Variants in RNF126 observed in about 807,000 individuals in gnomAD.
RNF126 encodes E3 ubiquitin-protein ligase RNF126.
Under a neutral mutation model 41.9 loss-of-function variants are expected in RNF126, and 20 were observed. The ratio of observed to expected loss-of-function variants is 0.48; its 90% CI spans 0.34 to 0.69. The LOEUF is 0.69. Ranked by LOEUF, RNF126 falls within the 30% of genes least tolerant of loss-of-function variation. RNF126 has a pLI of 0.01. For missense variants in RNF126, 433 were observed against 460.6 expected (o/e 0.94, Z 0.55); for synonymous variants, 239 against 202.9 (o/e 1.18, Z -1.51).
chr19:660,874 G>T (rs1225069156), intron 1 of RNF126, among the ~76,000 whole-genome samples: 2 of 152,218 alleles, frequency 1.3e-5, no homozygotes, highest in East Asian at 3.9e-4. Context: ...CTGTCTACGG[G>T]CGCCTTGTTG....
chr19:651,654 G>C lies in RNF126; in HGVS notation c.400C>G (p.Arg134Gly). The change falls in exon 4 of 9, where the codon CGG (arginine) becomes GGG (glycine). Residue 134 changes from arginine (R) to glycine (G), a missense_variant. Around this residue, in one of 5 missense-constraint regions of RNF126, gnomAD observed 247 missense variants for 224.7 expected, o/e 1.10. Coordinates refer to ENST00000292363, the MANE Select transcript of RNF126 (RefSeq NM_194460.3). ...CCTTCGTGCCGGCCGGTGGCCCGCC[G>C]CGTGGTGAGGCGGGCGCGGGGCTGT... ...ARQPRARLTT[R>G]RATGRHEGVP... 6.5e-7 allele frequency: 1 copy of C among 1,528,568 alleles called. No individual in the cohort carries two copies. Among genetic ancestry groups the C allele is most frequent in the Non-Finnish European group, 8.8e-7 (1 of 1,137,894 alleles). The allele number at this position is 1,528,568 out of a possible 1,614,324, so 94.7% of individuals were successfully genotyped here. A position where few individuals can be genotyped will look rare whatever the true frequency, so the allele number is the denominator to read the frequency against.
chr19:650,296 C>A lies in RNF126; in HGVS notation c.444G>T (p.Gly148=), dbSNP rs768588820. The stretch of plus-strand genomic sequence containing the variant: ...TGCCGTTGACGAGCTGCTGGATGAT[C>A]CTGGAAAAGAGAGCGCCAGTCACGG... ...GRHEGVPTLE[G]IIQQLVNGII... is the part of the protein sequence containing the mutation. Residue 148 remains glycine (G), a splice_region_variant and synonymous_variant, in exon 5 of 9, where the codon GGG becomes GGT. Transcript: ENST00000292363. 1 of 1,578,652 alleles carries A rather than the reference C, an allele frequency of 6.3e-7. No individual in the cohort carries two copies. Among genetic ancestry groups the A allele is most frequent in the South Asian group, 1.2e-5 (1 of 85,850 alleles).
chr19:658,983 G>A (rs3787005), intron 1 of RNF126, among the ~76,000 whole-genome samples: 22,977 of 152,182 alleles, frequency 0.15, 2,053 homozygotes, highest in South Asian at 0.36. Flanking sequence ...GGCCAGAGAG[G>A]GCAGCCGACA....
At chr19:649,960 G>T (rs539821222) in intron 5 of RNF126, among the ~76,000 whole-genome samples, 2 of 147,928 alleles carry the variant, frequency 1.4e-5, no homozygotes, top group South Asian at 4.3e-4. Context: ...CTACTCACCA[G>T]GGACCCTGGC....
rs143387909 is a variant in RNF126 at position 659,758 on chromosome 19, G to A, written c.75+3289C>T. 3.4e-3 allele frequency among the ~76,000 whole-genome samples: 516 copies of A among 149,654 alleles called. 4 individuals are homozygous for A. Among genetic ancestry groups the A allele is most frequent in the South Asian group, 8.5e-3 (40 of 4,724 alleles). On this transcript the variant is annotated intron_variant, in intron 1 of 8. Transcript: ENST00000292363. This position sits in a 1 kb window ranked among gnomAD's most constrained non-coding sequence, Gnocchi z 4.9. ...GCTGCTCAGACACCCAGACACCCTC[G>A]TCATCGCCTTTTTTTTTTTTTTTTG...
rs1393633175 is a variant in RNF126, at chr19:659,874, C to T, written c.75+3173G>A. 2.0e-5 allele frequency among the ~76,000 whole-genome samples: 3 copies of T among 152,080 alleles called. No homozygotes were observed. Among genetic ancestry groups the T allele is most frequent in the Non-Finnish European group, 4.4e-5 (3 of 68,006 alleles). On this transcript the variant is annotated intron_variant, in intron 1 of 8. Transcript: ENST00000292363. This position sits in a 1 kb window ranked among gnomAD's most constrained non-coding sequence, Gnocchi z 4.9. ...CGCCTTCCAGGTTCAAGCAATTCTCCCGCCTCAGCCTCCTAAGTCACTGGG... is the reference window on the plus strand; with the variant it reads ...CGCCTTCCAGGTTCAAGCAATTCTCTCGCCTCAGCCTCCTAAGTCACTGGG...
Position 649,226 on chromosome 19 carries a change from G to A in RNF126, c.577-251C>T, listed in dbSNP as rs866821259. On this transcript the variant is annotated intron_variant, in intron 6 of 8. Transcript: ENST00000292363. ...TGGGTCCCTGACAGCGGAATGGGGG[G>A]GGGGGCCGCGCTCCTGAGTGCCCTG... 3.5e-5 allele frequency: 9 copies of A among 258,096 alleles called. 1 individual carries two copies. In the Middle Eastern group the frequency reaches 8.7e-3, roughly 249 times the overall value. 16.0% of individuals were successfully genotyped at this position (258,096 alleles called of 1,614,324 possible).
In RNF126 at chr19:657,156, C is replaced by A. The variant is rs368110127; in HGVS notation, c.76-4272G>T. On this transcript the variant is annotated intron_variant, in intron 1 of 8. Transcript: ENST00000292363. ...ACAAGGTCAGGCAGCCCCAGAAGGG[C>A]CTGAGGGAGAAGCTGTCTCCCTCTG... 5.9e-5 allele frequency among the ~76,000 whole-genome samples: 9 copies of A among 152,208 alleles called. No homozygotes were observed. In the East Asian group the frequency reaches 7.7e-4, roughly 13 times the overall value.
In RNF126 at chr19:659,726, T is replaced by C. The variant is rs1393279367; in HGVS notation, c.75+3321A>G. ...CCACACGCCCCACTCTGGCTGACGC[T>C]CCCTTTGCTGCTCAGACACCCAGAC... On this transcript the variant is annotated intron_variant, in intron 1 of 8. Transcript: ENST00000292363. The surrounding 1 kb of genome is among the most constrained non-coding windows in gnomAD (Gnocchi z 4.9). 6.6e-6 allele frequency among the ~76,000 whole-genome samples: 1 copy of C among 150,734 alleles called. No homozygotes were observed. Among genetic ancestry groups the C allele is most frequent in the Admixed American group, 6.6e-5 (1 of 15,146 alleles).
chr19:647,943 G>C lies in RNF126; in HGVS notation c.*185C>G. 1 of 692,134 alleles carries C rather than the reference G, an allele frequency of 1.4e-6. No homozygotes were observed. Among genetic ancestry groups the C allele is most frequent in the Non-Finnish European group, 2.4e-6 (1 of 420,892 alleles). The allele number at this position is 692,134 out of a possible 1,614,324, so 42.9% of individuals were successfully genotyped here. A position where few individuals can be genotyped will look rare whatever the true frequency, so the allele number is the denominator to read the frequency against. On this transcript the variant is annotated 3_prime_UTR_variant, in exon 9 of 9. Coordinates refer to ENST00000292363, the MANE Select transcript of RNF126 (RefSeq NM_194460.3). ...GGGACGCCCCAGAGGGGACCATGTG[G>C]CCCACGCCTTCCCAAGCCAGGGGGC...
In RNF126 at chr19:648,074, C is replaced by T; in HGVS notation, c.*54G>A. ...CCCAGTCTGTGGGTGCCGTGTGGCG[C>T]TGGCTGAGGGTGGGTGGGAAAGGCC... On this transcript the variant is annotated 3_prime_UTR_variant, in exon 9 of 9. Transcript: ENST00000292363. 1 of 1,496,412 alleles carries T rather than the reference C, an allele frequency of 6.7e-7. No homozygotes were observed. The highest frequency in any genetic ancestry group is 8.9e-7 in the Non-Finnish European group (1 of 1,122,416). The allele number at this position is 1,496,412 out of a possible 1,614,324, so 92.7% of individuals were successfully genotyped here.
At chr19:652,111 G>T in intron 3 of RNF126, 122 bp downstream of exon 3, 1 of 908,080 alleles carries the variant, frequency 1.1e-6, no homozygotes, top group Non-Finnish European at 1.6e-6. Context: ...GGCCCCTGGA[G>T]GGAAAAATTT....
intron 1 of RNF126, among the ~76,000 whole-genome samples, chr19:660,749 C>G (rs907253148): frequency 2.0e-5 from 3 of 152,224 alleles, no homozygotes; most frequent in African/African-American, 7.2e-5. Flanking sequence ...CCCACCACCT[C>G]AGCCCCCGCC....
chr19:651,156 G>A (rs984135896), intron 4 of RNF126, among the ~76,000 whole-genome samples: 1 of 149,834 alleles, frequency 6.7e-6, no homozygotes, highest in Non-Finnish European at 1.5e-5. Context: ...AGGGCCCAGC[G>A]ACGGCTCCCC....
intron 4 of RNF126, 72 bp from the exon 5 acceptor site, chr19:650,368 C>T (rs1428870552): frequency 2.2e-5 from 30 of 1,375,434 alleles, no homozygotes; most frequent in East Asian, 1.2e-4. Flanking sequence ...CTGCCAGGTC[C>T]GTGGTGAGCA....
At chr19:655,052 G>A (rs1003499769) in intron 1 of RNF126, among the ~76,000 whole-genome samples, 2 of 152,144 alleles carry the variant, frequency 1.3e-5, no homozygotes, top group South Asian at 2.1e-4. Context: ...GCTCACACCT[G>A]TGATCCCAGT....
intron 6 of RNF126, chr19:649,239 C>G (rs12976320): frequency 0.4 from 81,041 of 201,072 alleles, 22,411 homozygotes; most frequent in East Asian, 0.92. Flanking sequence ...GGGCCGCGCT[C>G]CTGAGTGCCC....
At chr19:653,354 C>G (rs1173214667) in intron 1 of RNF126, among the ~76,000 whole-genome samples, 3 of 152,240 alleles carry the variant, frequency 2.0e-5, no homozygotes, top group Admixed American at 2.0e-4. Context: ...CCTGCAAGAC[C>G]CCATCCCCAG....
chr19:652,192 A>C (rs1197068895), intron 3 of RNF126, 41 bp downstream of exon 3: 6 of 1,480,058 alleles, frequency 4.1e-6, no homozygotes, highest in Admixed American at 2.9e-5. Flanking sequence ...GCCCCGAGCA[A>C]GGCTGACACG....
Sources: gnomAD v4.1 joint callset for allele counts (sites outside exome capture counted in the v4.1 genomes callset) on GRCh38, gnomAD v4.1.1 for gene constraint, gnomAD v4.1.1 regional missense constraint, Gnocchi (gnomAD v3.1) non-coding constraint, MANE v1.5 for transcripts, NCBI Gene and HGNC (gene_info 2026-07-23, HGNC 2026-07-21) for gene names.